The following GRM7 variants were observed in gnomAD, a reference collection of about 807,000 sequenced individuals.
GRM7 encodes metabotropic glutamate receptor 7.
GRM7 carries 35 observed loss-of-function variants against 84.5 expected under a neutral mutation model. The observed-to-expected ratio is 0.41, with a 90% CI of 0.32 to 0.55. The LOEUF (loss-of-function observed/expected upper bound fraction) is 0.55. Among genes scored for constraint, GRM7 ranks in the 20% least tolerant of loss-of-function variants. GRM7 has a pLI of 0.19. For missense variants in GRM7, 1,003 were observed against 1,194.6 expected, an observed-to-expected ratio of 0.84 and a Z score of 2.36; for synonymous variants, 487 against 455.1, an observed-to-expected ratio of 1.07 and a Z score of -0.89.
intron 3 of GRM7, among the ~76,000 whole-genome samples, chr3:7,302,823 A>T (rs1329200564): frequency 2.0e-5 from 3 of 151,126 alleles, no homozygotes; most frequent in Non-Finnish European, 4.4e-5. Context: ...CTCTGTACTT[A>T]GGTTAACTCC....
chr3:7,735,296 A>G (rs1026113460), intron 9 of GRM7, among the ~76,000 whole-genome samples: 1 of 141,422 alleles, frequency 7.1e-6, no homozygotes, highest in Non-Finnish European at 1.5e-5. Context: ...ACAAATGACT[A>G]AAGTGATAGG....
chr3:7,444,500 A>G (rs1697422069), intron 5 of GRM7, among the ~76,000 whole-genome samples: 1 of 152,134 alleles, frequency 6.6e-6, no homozygotes, highest in South Asian at 2.1e-4. Flanking sequence ...TTCTTATGTC[A>G]GTTTTAGTGA....
At chr3:7,130,511 A>T (rs1051458206) in intron 1 of GRM7, among the ~76,000 whole-genome samples, 5 of 150,864 alleles carry the variant, frequency 3.3e-5, no homozygotes, top group African/African-American at 1.2e-4. Flanking sequence ...CCATTGCACT[A>T]CAACCCCAGT....
At chr3:6,993,434 G>C (rs1024395283) in intron 1 of GRM7, among the ~76,000 whole-genome samples, 1 of 152,144 alleles carries the variant, frequency 6.6e-6, no homozygotes, top group Non-Finnish European at 1.5e-5. Context: ...CTGAGAAAAA[G>C]CAAAGAAGTG....
At chr3:7,421,916 TA>T (rs773501237) in intron 5 of GRM7, among the ~76,000 whole-genome samples, 22,455 of 78,804 alleles carry the variant, frequency 0.28, 2,035 homozygotes, top group African/African-American at 0.42. Flanking sequence ...CTACAAACAG[TA>T]AAAAAAAAAA....
intron 9 of GRM7, among the ~76,000 whole-genome samples, chr3:7,724,440 C>T (rs540619559): frequency 6.6e-6 from 1 of 152,146 alleles, no homozygotes; most frequent in Non-Finnish European, 1.5e-5. Context: ...TTCCCACATT[C>T]AATAAGTTTA....
intron 1 of GRM7, among the ~76,000 whole-genome samples, chr3:7,004,913 T>C (rs1695129575): frequency 6.6e-6 from 1 of 152,172 alleles, no homozygotes; most frequent in African/African-American, 2.4e-5. Context: ...GGCAAATCAA[T>C]ATATGAGACT....
intron 1 of GRM7, among the ~76,000 whole-genome samples, chr3:6,988,968 TC>T (rs1179656421): frequency 2.0e-5 from 3 of 152,210 alleles, no homozygotes; most frequent in African/African-American, 7.2e-5. Context: ...AAATAAACCC[TC>T]CTATTTTCTA....
At chr3:7,040,925 C>A (rs1372877476) in intron 1 of GRM7, among the ~76,000 whole-genome samples, 2 of 151,534 alleles carry the variant, frequency 1.3e-5, no homozygotes, top group Non-Finnish European at 2.9e-5. Flanking sequence ...TCTACAAAAA[C>A]AAACAAAATT....
At chr3:7,677,261 TTAAAAAAAAAAAAAA>T (rs1700162352) in intron 8 of GRM7, among the ~76,000 whole-genome samples, 1 of 103,378 alleles carries the variant, frequency 9.7e-6, no homozygotes, top group Middle Eastern at 4.3e-3. Flanking sequence ...GACTCTGTCT[TTAAAAAAAAAAAAAA>T]AAAAAAAAAA....
At chr3:7,686,281 GAAAATAATAATAAT>G (rs1700580994) in intron 9 of GRM7, 1 of 695,904 alleles carries the variant, frequency 1.4e-6, no homozygotes, top group African/African-American at 1.8e-5. Context: ...TTCCCAAAAG[GAAAATAATAATAAT>G]AAAAAGTAAT....
chr3:7,269,781 A>C (rs1248608342), intron 2 of GRM7, among the ~76,000 whole-genome samples: 1 of 152,170 alleles, frequency 6.6e-6, no homozygotes, highest in East Asian at 1.9e-4. Flanking sequence ...TTTGAAGGCT[A>C]TCTGGTGTTA....
intron 2 of GRM7, among the ~76,000 whole-genome samples, chr3:7,180,194 C>T (rs1695289803): frequency 6.6e-6 from 1 of 152,178 alleles, no homozygotes; most frequent in Non-Finnish European, 1.5e-5. Flanking sequence ...TGATAAGCCA[C>T]ACTAGAATCT....
intron 8 of GRM7, among the ~76,000 whole-genome samples, chr3:7,646,643 A>T (rs1698656220): frequency 6.6e-6 from 1 of 152,160 alleles, no homozygotes; most frequent in Admixed American, 6.5e-5. Context: ...CTGGTTTCTC[A>T]TGTCCAAAAA....
At chr3:7,481,817 A>G (rs535068800) in intron 7 of GRM7, among the ~76,000 whole-genome samples, 55 of 152,338 alleles carry the variant, frequency 3.6e-4, no homozygotes, top group Admixed American at 3.5e-3. Context: ...CAACGATGCA[A>G]ACTGTCCTGC....
At chr3:7,253,457 A>C (rs919511522) in intron 2 of GRM7, among the ~76,000 whole-genome samples, 2 of 151,930 alleles carry the variant, frequency 1.3e-5, no homozygotes, top group African/African-American at 2.4e-5. Context: ...TCTACTAAAA[A>C]TACAAAAAAA....
Position 6,862,873 on chromosome 3 carries a change from T to G in GRM7, c.519+966T>G, listed in dbSNP as rs1296109471. ...GGGCCCCGTGGTCCTCCTGCTCCGG[T>G]GCCGGAGGGAGACGGAGAAAAAATG... On this transcript the variant is annotated intron_variant, in intron 1 of 9. Coordinates refer to ENST00000357716, the MANE Select transcript of GRM7 (RefSeq NM_000844.4). This position sits in a 1 kb window ranked among gnomAD's most constrained non-coding sequence, Gnocchi z 5.2. The G allele has an allele frequency of 5.1e-6, 2 of 392,626 alleles. No individual in the cohort carries two copies. Among genetic ancestry groups the G allele is most frequent in the African/African-American group, 4.2e-5 (2 of 47,774 alleles). 24.3% of individuals were successfully genotyped at this position (392,626 alleles called of 1,614,324 possible).
At chr3:7,382,058 C>A (rs976147074) in intron 4 of GRM7, among the ~76,000 whole-genome samples, 2 of 152,086 alleles carry the variant, frequency 1.3e-5, no homozygotes, top group African/African-American at 4.8e-5. Flanking sequence ...ATAAAAAAAA[C>A]CAACAGCCAT....
chr3:7,300,278 G>A (rs189228821), intron 3 of GRM7, among the ~76,000 whole-genome samples: 66 of 152,240 alleles, frequency 4.3e-4, no homozygotes, highest in African/African-American at 8.2e-4. Flanking sequence ...TACCACCAGC[G>A]TCTCAAACCT....
Sources: gnomAD v4.1 joint callset for allele counts (sites outside exome capture counted in the v4.1 genomes callset) on GRCh38, gnomAD v4.1.1 for gene constraint, Gnocchi (gnomAD v3.1) non-coding constraint, MANE v1.5 for transcripts, NCBI Gene and HGNC (gene_info 2026-07-23, HGNC 2026-07-21) for gene names.